Variants in CHRDL1 observed in about 807,000 individuals in gnomAD.
CHRDL1 encodes the protein chordin like 1.
In CHRDL1, 19 loss-of-function variants were observed where a neutral mutation model predicts 40.9. The ratio of observed to expected loss-of-function variants is 0.46; its 90% CI spans 0.32 to 0.68. The LOEUF (loss-of-function observed/expected upper bound fraction) is 0.68. Ranked by LOEUF, CHRDL1 falls within the 30% of genes least tolerant of loss-of-function variation. The probability of loss-of-function intolerance (pLI) is 0.03; values close to 1 mark genes in which losing one functional copy is unlikely to be tolerated. For synonymous variants in CHRDL1, 136 were observed against 123.4 expected (o/e 1.10, Z -0.68); for missense variants, 329 against 352.1 (o/e 0.93, Z 0.53).
chrX:110,723,347 C>CATA (rs747744903), intron 4 of CHRDL1, among the ~76,000 whole-genome samples: 11 of 111,106 alleles, frequency 9.9e-5, no homozygotes, highest in African/African-American at 2.3e-4. Context: ...TAATAACATC[C>CATA]ATAATAATAA....
intron 4 of CHRDL1, among the ~76,000 whole-genome samples, chrX:110,748,589 T>TC (rs1304372830): frequency 8.9e-6 from 1 of 112,108 alleles, no homozygotes; most frequent in Non-Finnish European, 1.9e-5. Flanking sequence ...CCTCTAAGAC[T>TC]CTTTGGTTGT....
chrX:110,743,690 C>T (rs1262323097), intron 4 of CHRDL1, among the ~76,000 whole-genome samples: 1 of 111,800 alleles, frequency 8.9e-6, no homozygotes, highest in East Asian at 2.8e-4. Flanking sequence ...AATGTAATCC[C>T]AAAGACTGAT....
In CHRDL1 at chrX:110,705,304, T is replaced by TATATATATATATATATATACAC. The variant is rs1491498596; in HGVS notation, c.542-4584_542-4583insGTGTATATATATATATATATAT. 4.0e-4 allele frequency among the ~76,000 whole-genome samples: 31 copies of TATATATATATATATATATACAC among 77,589 alleles called. 1 individual carries two copies. The highest frequency in any genetic ancestry group is 1.5e-3 in the African/African-American group (26 of 17,697). The allele number at this position is 77,589 out of a possible 115,157, so 67.4% of individuals were successfully genotyped here. A position where few individuals can be genotyped will look rare whatever the true frequency, so the allele number is the denominator to read the frequency against. Reference sequence around the variant, plus strand: ...GACTATATATATATATATATATATATACACACACACATATATATATACACA... The same window carrying TATATATATATATATATATACAC: ...GACTATATATATATATATATATATATATATATATATATATATATACACACACACACACATATATATATACACA... On this transcript the variant is annotated intron_variant, in intron 6 of 11. Transcript: ENST00000372042.
At chrX:110,709,443 G>T (rs1305481688) in intron 6 of CHRDL1, among the ~76,000 whole-genome samples, 4 of 112,150 alleles carry the variant, frequency 3.6e-5, no homozygotes, top group African/African-American at 9.7e-5. Flanking sequence ...ACATTGAAAA[G>T]GAATCATTTC....
At chrX:110,752,889 T>C (rs1163347980) in intron 4 of CHRDL1, among the ~76,000 whole-genome samples, 1 of 111,167 alleles carries the variant, frequency 9.0e-6, no homozygotes, top group African/African-American at 3.3e-5. Context: ...GGAGATCAGA[T>C]ATGGATGGTG....
At chrX:110,747,409 A>AACACACACACACACACACACACACACAC (rs113917102) in intron 4 of CHRDL1, among the ~76,000 whole-genome samples, 2 of 91,240 alleles carry the variant, frequency 2.2e-5, no homozygotes, top group African/African-American at 8.3e-5. Context: ...ATCAAAACAA[A>AACACACACACACACACACACACACACAC]ACACACACAC....
At position 110,762,716 on chromosome X, in the gene CHRDL1, G is replaced by A. The variant is rs139316748; in HGVS notation, c.186C>T (p.Cys62=). 2.2e-4 allele frequency: 251 copies of A among 1,166,206 alleles called. 1 individual carries two copies. In the African/African-American group the frequency reaches 3.9e-3, roughly 18 times the overall value. Reference sequence around the variant, plus strand: ...GTACCTCTGAGCAGATGCAGTTCACGCAGTAAACCAACCCATAAGGTTCCA... The same window carrying A: ...GTACCTCTGAGCAGATGCAGTTCACACAGTAAACCAACCCATAAGGTTCCA... ...PYLEPYGLVY[C]VNCICSENGN... Residue 62 remains cysteine (C), a synonymous_variant, in exon 3 of 12, where the codon TGC becomes TGT. Coordinates refer to ENST00000372042, the MANE Select transcript of CHRDL1 (RefSeq NM_001143981.2).
chrX:110,785,422 G>C (rs765667380), intron 2 of CHRDL1, among the ~76,000 whole-genome samples: 1 of 111,891 alleles, frequency 8.9e-6, no homozygotes, highest in East Asian at 2.8e-4. Context: ...GGAAAGGTGG[G>C]AGGGTAGAAG....
rs1029795822 is a variant in CHRDL1 at position 110,771,037 on chromosome X, C to T, written c.95-8230G>A. The stretch of plus-strand genomic sequence containing the variant: ...TGGTGAGTGCCTATAATCCCATACT[C>T]GGGAGGCTGAGGCAGGAGAATCACT... On this transcript the variant is annotated intron_variant, in intron 2 of 11. Coordinates refer to ENST00000372042, the MANE Select transcript of CHRDL1 (RefSeq NM_001143981.2). 1.8e-4 allele frequency among the ~76,000 whole-genome samples: 20 copies of T among 108,406 alleles called. 1 individual carries two copies. The highest frequency in any genetic ancestry group is 5.8e-4 in the East Asian group (2 of 3,451). 94.1% of individuals were successfully genotyped at this position (108,406 alleles called of 115,157 possible).
chrX:110,762,847 A>G (rs762563710), intron 2 of CHRDL1, 40 bp from the exon 3 acceptor site: 1 of 752,570 alleles, frequency 1.3e-6, no homozygotes, highest in Admixed American at 2.4e-5. Flanking sequence ...GTTAGGAAAC[A>G]TCAACCAAGT....
intron 4 of CHRDL1, among the ~76,000 whole-genome samples, chrX:110,722,051 T>A (rs1432958098): frequency 1.8e-5 from 2 of 111,849 alleles, no homozygotes; most frequent in Non-Finnish European, 3.8e-5. Flanking sequence ...CAGGCTGGAG[T>A]GCATGGTGCG....
chrX:110,715,905 C>A (rs1436490508), intron 6 of CHRDL1, among the ~76,000 whole-genome samples: 2 of 112,393 alleles, frequency 1.8e-5, no homozygotes, highest in African/African-American at 3.2e-5. Flanking sequence ...AAATATCCAT[C>A]TTTCTTGACT....
At chrX:110,787,130 AAG>A (rs1431746242) in intron 2 of CHRDL1, among the ~76,000 whole-genome samples, 2 of 111,962 alleles carry the variant, frequency 1.8e-5, no homozygotes, top group African/African-American at 6.5e-5. Context: ...TTTGGCTTGT[AAG>A]AGAGTTGCTC....
chrX:110,746,792 C>T (rs192845340), intron 4 of CHRDL1, among the ~76,000 whole-genome samples: 1 of 111,238 alleles, frequency 9.0e-6, no homozygotes, highest in Admixed American at 9.5e-5. Context: ...AATCTGGGGA[C>T]CCAGGATTTA....
chrX:110,795,017 T>C (rs1258679970), intron 1 of CHRDL1, among the ~76,000 whole-genome samples: 1 of 112,549 alleles, frequency 8.9e-6, no homozygotes, highest in African/African-American at 3.2e-5. Context: ...CCAGGGTATC[T>C]CTTGTTGGAG....
chrX:110,773,495 G>A (rs976658582), intron 2 of CHRDL1, among the ~76,000 whole-genome samples: 1 of 110,773 alleles, frequency 9.0e-6, no homozygotes, highest in Admixed American at 9.6e-5. Context: ...TTGGGAGGCC[G>A]AGGCGGGCGA....
rs566728479 is a variant in CHRDL1 at position 110,723,678 on chromosome X, A to G, written c.302-2148T>C. On this transcript the variant is annotated intron_variant, in intron 4 of 11. Transcript: ENST00000372042. Reference sequence around the variant, plus strand: ...ACCATTTAATTAAAAACCAAAACCCAAACCACTAGAACATGAAGGCTATGC... The same window carrying G: ...ACCATTTAATTAAAAACCAAAACCCGAACCACTAGAACATGAAGGCTATGC... Among the ~76,000 whole-genome samples, 14 of 112,002 alleles carry G rather than the reference A, an allele frequency of 1.2e-4. No individual in the cohort carries two copies. The South Asian group carries it at 5.3e-3, about 42-fold the overall frequency.
chrX:110,689,808 T>C (rs1370874332), intron 8 of CHRDL1, among the ~76,000 whole-genome samples: 2 of 80,987 alleles, frequency 2.5e-5, no homozygotes, highest in East Asian at 6.7e-4. Flanking sequence ...TCTATATATC[T>C]ATATATATCT....
chrX:110,689,072 GTATA>G (rs758293619), intron 8 of CHRDL1, among the ~76,000 whole-genome samples: 9,240 of 29,353 alleles, frequency 0.31, 1,019 homozygotes, highest in East Asian at 0.52. Context: ...ATATATATAT[GTATA>G]TATATATATA....
Sources: allele counts gnomAD v4.1 joint callset (sites outside exome capture counted in the v4.1 genomes callset), GRCh38; gene constraint gnomAD v4.1.1; transcripts MANE v1.5; gene names NCBI Gene and HGNC (gene_info 2026-07-23, HGNC 2026-07-21).